Variants in JADE3 observed in about 807,000 individuals in gnomAD.
JADE3 encodes jade family PHD finger 3.
A neutral mutation model predicts 50.1 loss-of-function variants in JADE3; 2 were observed. The ratio of observed to expected loss-of-function variants is 0.04; its 90% CI spans 0.02 to 0.13. The LOEUF is 0.13. Among genes scored for constraint, JADE3 ranks in the 10% least tolerant of loss-of-function variants. The pLI is 1.00. For synonymous variants in JADE3, 218 were observed against 232.9 expected (o/e 0.94, Z 0.58); for missense variants, 475 against 634.4 (o/e 0.75, Z 2.70).
chrX:46,938,301 A>C (rs1221306852), intron 1 of JADE3, among the ~76,000 whole-genome samples: 1 of 111,318 alleles, frequency 9.0e-6, no homozygotes, highest in African/African-American at 3.3e-5. Context: ...TAGTGCTACT[A>C]CATTTTTATT....
intron 6 of JADE3, among the ~76,000 whole-genome samples, chrX:47,029,180 A>G (rs1166828359): frequency 2.7e-5 from 3 of 111,750 alleles, no homozygotes; most frequent in Non-Finnish European, 3.8e-5. Context: ...AAGTGTTTTT[A>G]TAGATATAAG....
chrX:46,944,663 C>T (rs1419486017), intron 1 of JADE3, among the ~76,000 whole-genome samples: 2 of 110,493 alleles, frequency 1.8e-5, no homozygotes, highest in East Asian at 2.8e-4. Context: ...CTTAACACTG[C>T]CTTTTTTACA....
chrX:47,045,117 C>T (rs1556370416), intron 8 of JADE3, among the ~76,000 whole-genome samples: 1 of 111,434 alleles, frequency 9.0e-6, no homozygotes, highest in Non-Finnish European at 1.9e-5. Flanking sequence ...ACAAAACTCT[C>T]CAAAAGACAC....
Position 47,058,147 on chromosome X carries a change from A to G in JADE3, c.1562-20A>G. 8.5e-7 allele frequency: 1 copy of G among 1,182,249 alleles called. No homozygotes were observed. Among genetic ancestry groups the G allele is most frequent in the Non-Finnish European group, 1.1e-6 (1 of 876,589 alleles). ...TTATTTAAATCGGTTGTTAAAACGAATCTTTCTTTTTTATCTCAGGGCTTC... is the reference window on the plus strand; with the variant it reads ...TTATTTAAATCGGTTGTTAAAACGAGTCTTTCTTTTTTATCTCAGGGCTTC... On this transcript the variant is annotated intron_variant, in intron 10 of 10. Coordinates refer to ENST00000614628, the MANE Select transcript of JADE3 (RefSeq NM_014735.5).
intron 4 of JADE3, among the ~76,000 whole-genome samples, chrX:47,018,879 C>T (rs1928733772): frequency 9.0e-6 from 1 of 111,574 alleles, no homozygotes; most frequent in Non-Finnish European, 1.9e-5. Flanking sequence ...AACAGCTGGG[C>T]ACTGGAATCA....
intron 3 of JADE3, among the ~76,000 whole-genome samples, chrX:46,988,320 T>C (rs1478100534): frequency 9.0e-6 from 1 of 111,077 alleles, no homozygotes; most frequent in Admixed American, 9.6e-5. Context: ...GTAGGTACTT[T>C]CCGGTTTTTT....
rs1199193291 is a variant in JADE3, at chrX:47,060,016, G to A, written c.*939G>A. The A allele has an allele frequency of 8.9e-6, 1 of 112,306 alleles. No individual in the cohort carries two copies. Among genetic ancestry groups the A allele is most frequent in the African/African-American group, 3.2e-5 (1 of 30,872 alleles). 9.3% of individuals were successfully genotyped at this position (112,306 alleles called of 1,213,427 possible). A position where few individuals can be genotyped will look rare whatever the true frequency, so the allele number is the denominator to read the frequency against. ...ATATAGTAAAATGCACAGAGGTTAA[G>A]TATTCTTACCTGCTTTAATTTTGAA... On this transcript the variant is annotated 3_prime_UTR_variant, in exon 11 of 11. Transcript: ENST00000614628.
chrX:46,913,905 C>A (rs1231713634), intron 1 of JADE3, among the ~76,000 whole-genome samples: 1 of 110,299 alleles, frequency 9.1e-6, no homozygotes, highest in Non-Finnish European at 1.9e-5. Flanking sequence ...TGTGTGTGTG[C>A]CGTGAGGTGC....
At chrX:46,918,743 C>T (rs1218372837) in intron 1 of JADE3, among the ~76,000 whole-genome samples, 1 of 112,292 alleles carries the variant, frequency 8.9e-6, no homozygotes, top group Non-Finnish European at 1.9e-5. Flanking sequence ...TCTATGTGGT[C>T]TGCCCTCCAG....
chrX:46,932,339 A>G (rs1926515827), intron 1 of JADE3, among the ~76,000 whole-genome samples: 1 of 112,157 alleles, frequency 8.9e-6, no homozygotes, highest in South Asian at 3.7e-4. Flanking sequence ...CCTGGTAGAG[A>G]TGTAAAATTT....
chrX:47,033,481 C>T (rs1303370326), intron 6 of JADE3, 140 bp from the exon 7 acceptor site: 6 of 437,355 alleles, frequency 1.4e-5, no homozygotes, highest in East Asian at 3.9e-5. Flanking sequence ...TTAAATCACT[C>T]GATACTGGAT....
chrX:46,979,828 G>A (rs370517968), intron 1 of JADE3, among the ~76,000 whole-genome samples: 10 of 108,591 alleles, frequency 9.2e-5, no homozygotes, highest in Admixed American at 2.0e-4. Flanking sequence ...GTCTTTTCAC[G>A]GGCTTAAATG....
intron 1 of JADE3, among the ~76,000 whole-genome samples, chrX:46,923,752 C>G (rs1926295699): frequency 9.0e-6 from 1 of 110,593 alleles, no homozygotes; most frequent in Non-Finnish European, 1.9e-5. Context: ...GTGATACATT[C>G]ATTTTGACTC....
At position 47,054,320 on chromosome X, in the gene JADE3, C is replaced by A; in HGVS notation, c.1135C>A (p.His379Asn). The A allele has an allele frequency of 8.3e-7, 1 of 1,210,742 alleles. No individual in the cohort carries two copies. The highest frequency in any genetic ancestry group is 1.1e-6 in the Non-Finnish European group (1 of 895,198). The change falls in exon 9 of 11, where the codon CAC becomes AAC. Residue 379 changes from histidine to asparagine, a missense_variant. By Grantham distance (68) the His-to-Asn change is moderately conservative. Transcript: ENST00000614628. ...RQKLGEAEYP[H>N]HRAKEQSQAK... ...GAAACTTGGAGAAGCTGAGTACCCC[C>A]ACCACAGGGCTAAAGAGCAGAGCCA...
At chrX:47,021,005 TTA>T (rs1928782172) in intron 4 of JADE3, among the ~76,000 whole-genome samples, 1 of 110,438 alleles carries the variant, frequency 9.1e-6, no homozygotes, top group Non-Finnish European at 1.9e-5. Context: ...TTTCAGCTAC[TTA>T]GGAGGCTGAG....
At chrX:46,981,110 C>T (rs1357380535) in intron 1 of JADE3, among the ~76,000 whole-genome samples, 8 of 111,629 alleles carry the variant, frequency 7.2e-5, no homozygotes, top group South Asian at 3.8e-4. Context: ...TAGAAAGGAA[C>T]GCAGTCCTGA....
intron 1 of JADE3, among the ~76,000 whole-genome samples, chrX:46,983,589 G>C (rs1247567567): frequency 9.0e-6 from 1 of 111,374 alleles, no homozygotes; most frequent in Admixed American, 9.5e-5. Context: ...AAAGGAGCTT[G>C]GAGCTGGGGT....
chrX:46,952,105 G>A (rs1927017206), intron 1 of JADE3, among the ~76,000 whole-genome samples: 1 of 111,970 alleles, frequency 8.9e-6, no homozygotes, highest in Non-Finnish European at 1.9e-5. Context: ...GTCCTTGTTA[G>A]ATAATTTCAA....
chrX:47,031,750 A>G (rs1223449560), intron 6 of JADE3, among the ~76,000 whole-genome samples: 1 of 110,917 alleles, frequency 9.0e-6, no homozygotes, highest in Non-Finnish European at 1.9e-5. Context: ...CTGTGCTCCT[A>G]GGTACTCGGG....
Sources: allele counts gnomAD v4.1 joint callset (sites outside exome capture counted in the v4.1 genomes callset), GRCh38; gene constraint gnomAD v4.1.1; transcripts MANE v1.5; gene names NCBI Gene and HGNC (gene_info 2026-07-23, HGNC 2026-07-21).